The following FMNL2 variants were observed in gnomAD, a reference collection of about 807,000 sequenced individuals.
FMNL2 encodes the protein formin-like protein 2.
Under a neutral mutation model 130.2 loss-of-function variants are expected in FMNL2, and 51 were observed. That is an observed-to-expected ratio of 0.39 (90% CI 0.31 to 0.49). FMNL2 has a LOEUF of 0.49. FMNL2 is among the 20% of genes least tolerant of loss of function. The pLI is 0.85. For synonymous variants in FMNL2, 465 were observed against 467.1 expected (o/e 1.00, Z 0.06); for missense variants, 977 against 1,316.2 (o/e 0.74, Z 3.99).
rs1290614667 is a variant in FMNL2 at position 152,628,418 on chromosome 2, T to TG, written c.2286dup (p.Ser763ValfsTer3). The TG allele has an allele frequency of 1.2e-6, 2 of 1,613,914 alleles. No homozygotes were observed. The highest frequency in any genetic ancestry group is 1.7e-6 in the Non-Finnish European group (2 of 1,179,906). Reference sequence around the variant, plus strand: ...CGGGAAAGGAAGCCTCTGGAAAACTTGTCAGATGAAGATCGGTTCATGATG... The same window carrying TG: ...CGGGAAAGGAAGCCTCTGGAAAACTTGGTCAGATGAAGATCGGTTCATGATG... On this transcript the variant is annotated frameshift_variant, in exon 18 of 26. Coordinates refer to ENST00000288670, the MANE Select transcript of FMNL2 (RefSeq NM_052905.4). LOFTEE classifies it high-confidence loss of function.
chr2:152,471,472 G>A (rs932065640), intron 1 of FMNL2, among the ~76,000 whole-genome samples: 1 of 151,862 alleles, frequency 6.6e-6, no homozygotes, highest in Non-Finnish European at 1.5e-5. Context: ...CCTGTACCTA[G>A]CACTTGACTG....
At chr2:152,535,043 T>G (rs1324126897) in intron 2 of FMNL2, among the ~76,000 whole-genome samples, 1 of 152,206 alleles carries the variant, frequency 6.6e-6, no homozygotes, top group Non-Finnish European at 1.5e-5. Context: ...ACTTTAAAAG[T>G]TGGGAACGGA....
chr2:152,387,271 C>G (rs1684836737), intron 1 of FMNL2, among the ~76,000 whole-genome samples: 1 of 152,088 alleles, frequency 6.6e-6, no homozygotes, highest in Non-Finnish European at 1.5e-5. Context: ...TTTGTGTTAT[C>G]CCTATTGGAT....
chr2:152,390,451 C>G (rs1296575701), intron 1 of FMNL2: 2 of 1,337,916 alleles, frequency 1.5e-6, no homozygotes, highest in East Asian at 4.6e-5. Context: ...ATGATTAACC[C>G]TGAGAATTCC....
intron 25 of FMNL2, chr2:152,644,027 T>C (rs1292974952): frequency 2.4e-6 from 1 of 415,206 alleles, no homozygotes; most frequent in African/African-American, 2.2e-5. Context: ...CCCAGGAGTT[T>C]GAGACCAGCC....
rs568205140 is a variant in FMNL2, at chr2:152,477,948, C to A, written c.118-43995C>A. On this transcript the variant is annotated intron_variant, in intron 1 of 25. Transcript: ENST00000288670. ...TGTAGATTTTAATGAGTCAGCACAG[C>A]CTGCTAAACCAAGCTTCTGGCACCG... Among the ~76,000 whole-genome samples, 10 of 152,096 alleles carry A rather than the reference C, an allele frequency of 6.6e-5. 1 individual carries two copies. Among genetic ancestry groups the A allele is most frequent in the Admixed American group, 2.6e-4 (4 of 15,272 alleles).
chr2:152,571,367 T>G lies in FMNL2; in HGVS notation c.597-3769T>G, dbSNP rs74696630. Among the ~76,000 whole-genome samples, 67 of 152,286 alleles carry G rather than the reference T, an allele frequency of 4.4e-4. No homozygotes were observed. The East Asian group carries it at 0.013, about 29-fold the overall frequency. On this transcript the variant is annotated intron_variant, in intron 6 of 25. Coordinates refer to ENST00000288670, the MANE Select transcript of FMNL2 (RefSeq NM_052905.4). Reference sequence around the variant, plus strand: ...ATGGGACAGGACTAAATAAAGCTCATGTGTGCCAATTATCCATGGGAGTCC... The same window carrying G: ...ATGGGACAGGACTAAATAAAGCTCAGGTGTGCCAATTATCCATGGGAGTCC...
intron 1 of FMNL2, among the ~76,000 whole-genome samples, chr2:152,491,999 G>C (rs1003445209): frequency 5.3e-5 from 8 of 152,156 alleles, no homozygotes; most frequent in Non-Finnish European, 8.8e-5. Flanking sequence ...GAGTTATACT[G>C]AGCTAAAGTA....
chr2:152,532,196 T>C (rs551417302), intron 2 of FMNL2, among the ~76,000 whole-genome samples: 65 of 152,370 alleles, frequency 4.3e-4, no homozygotes, highest in African/African-American at 1.5e-3. Flanking sequence ...GCATTTCTTC[T>C]TCATTAGGGC....
chr2:152,340,464 A>G (rs1681734213), intron 1 of FMNL2, among the ~76,000 whole-genome samples: 1 of 152,224 alleles, frequency 6.6e-6, no homozygotes, highest in Non-Finnish European at 1.5e-5. Flanking sequence ...TTTAGATGTC[A>G]AGCCTTTTGG....
intron 1 of FMNL2, among the ~76,000 whole-genome samples, chr2:152,502,702 A>G (rs930481629): frequency 2.0e-5 from 3 of 152,124 alleles, no homozygotes; most frequent in Non-Finnish European, 4.4e-5. Flanking sequence ...AACCCAGAAA[A>G]CCCAAAAACA....
chr2:152,548,404 G>A (rs111287181), intron 3 of FMNL2, among the ~76,000 whole-genome samples: 7 of 152,200 alleles, frequency 4.6e-5, no homozygotes, highest in African/African-American at 1.2e-4. Context: ...AAAACAATAC[G>A]GCTTATGCTG....
At chr2:152,591,746 C>T (rs929483968) in intron 9 of FMNL2, among the ~76,000 whole-genome samples, 12 of 152,264 alleles carry the variant, frequency 7.9e-5, no homozygotes, top group South Asian at 4.2e-4. Context: ...GTCAAGACTG[C>T]GGTGAGCCGT....
At chr2:152,632,745 GA>G (rs1379686798) in intron 21 of FMNL2, among the ~76,000 whole-genome samples, 1 of 152,200 alleles carries the variant, frequency 6.6e-6, no homozygotes, top group African/African-American at 2.4e-5. Context: ...AACAGGACTA[GA>G]AACCTGGTCT....
At chr2:152,598,125 G>T (rs1697863957) in intron 9 of FMNL2, among the ~76,000 whole-genome samples, 1 of 152,164 alleles carries the variant, frequency 6.6e-6, no homozygotes, top group South Asian at 2.1e-4. Context: ...CAGGCCCCAA[G>T]ATCTGAAATT....
rs777294293 is a variant in FMNL2 at position 152,619,613 on chromosome 2, G to A, written c.1732G>A (p.Ala578Thr). 1 of 1,306,696 alleles carries A rather than the reference G, an allele frequency of 7.7e-7. No homozygotes were observed. Among genetic ancestry groups the A allele is most frequent in the Non-Finnish European group, 1.0e-6 (1 of 1,001,708 alleles). 80.9% of individuals were successfully genotyped at this position (1,306,696 alleles called of 1,614,324 possible). Residue 578 changes from alanine (A) to threonine (T), a missense_variant, in exon 15 of 26, where the codon GCA (alanine) becomes ACA (threonine). Transcript: ENST00000288670. ...PPPPPPLPGP[A>T]AETVPAPPLA... ...TCCGCCTCCTCCTCTCCCAGGCCCT[G>A]CAGCTGAGACTGTACCAGCTCCTCC... is the stretch of plus-strand genomic sequence containing the variant.
chr2:152,384,955 G>A (rs1327757408), intron 1 of FMNL2, among the ~76,000 whole-genome samples: 2 of 152,204 alleles, frequency 1.3e-5, no homozygotes, highest in Non-Finnish European at 2.9e-5. Context: ...ACCCATGTTA[G>A]TGTAGCTAAT....
At chr2:152,415,573 A>G (rs993148301) in intron 1 of FMNL2, among the ~76,000 whole-genome samples, 1 of 152,158 alleles carries the variant, frequency 6.6e-6, no homozygotes, top group African/African-American at 2.4e-5. Flanking sequence ...CCTCAGGTAG[A>G]GCTTGCTGAC....
intron 1 of FMNL2, among the ~76,000 whole-genome samples, chr2:152,342,089 C>T (rs1028276347): frequency 3.9e-5 from 6 of 152,114 alleles, no homozygotes; most frequent in Admixed American, 1.3e-4. Flanking sequence ...GAAAAAGATA[C>T]GTATGGGCTG....
Sources: gnomAD v4.1 joint callset for allele counts (sites outside exome capture counted in the v4.1 genomes callset) on GRCh38, gnomAD v4.1.1 for gene constraint, MANE v1.5 for transcripts, NCBI Gene and HGNC (gene_info 2026-07-23, HGNC 2026-07-21) for gene names.